The following TFDP2 variants were observed in gnomAD, a reference collection of about 807,000 sequenced individuals.
TFDP2 encodes the protein transcription factor Dp-2.
TFDP2 carries 17 observed loss-of-function variants against 59.3 expected under a neutral mutation model. The observed-to-expected ratio is 0.29, with a 90% CI of 0.20 to 0.43. TFDP2 has a LOEUF of 0.43. Among genes scored for constraint, TFDP2 ranks in the 20% least tolerant of loss-of-function variants. TFDP2 has a pLI of 1.00. For missense variants in TFDP2, 391 were observed against 528.8 expected, an observed-to-expected ratio of 0.74 and a Z score of 2.56; for synonymous variants, 180 against 194.7, an observed-to-expected ratio of 0.92 and a Z score of 0.63.
At chr3:142,041,114 G>T (rs1946946645) in intron 3 of TFDP2, among the ~76,000 whole-genome samples, 1 of 152,124 alleles carries the variant, frequency 6.6e-6, no homozygotes, top group African/African-American at 2.4e-5. Flanking sequence ...AATCCTAAAG[G>T]AAGTTCTGGA....
chr3:141,968,423 C>CA (rs1243209182), intron 9 of TFDP2, among the ~76,000 whole-genome samples: 8,083 of 87,888 alleles, frequency 0.092, 894 homozygotes, highest in East Asian at 0.13. Flanking sequence ...ACATATATAT[C>CA]TCATATATAG....
intron 3 of TFDP2, chr3:142,043,887 G>GT: frequency 9.2e-7 from 1 of 1,091,814 alleles, no homozygotes; most frequent in South Asian, 1.2e-5. Flanking sequence ...TAGATTCACA[G>GT]TATCTTCTAA....
At chr3:142,070,905 G>C (rs1220026799) in intron 3 of TFDP2, among the ~76,000 whole-genome samples, 1 of 152,024 alleles carries the variant, frequency 6.6e-6, no homozygotes, top group African/African-American at 2.4e-5. Context: ...AGGCTTACAG[G>C]CCAGTGGAAA....
chr3:142,044,264 T>C, intron 3 of TFDP2: 1 of 206,710 alleles, frequency 4.8e-6, no homozygotes, highest in Non-Finnish European at 8.8e-6. Context: ...AGCCGGAGTC[T>C]CGCTCTGTCG....
chr3:142,035,716 A>G (rs6795301), intron 3 of TFDP2, among the ~76,000 whole-genome samples: 131,334 of 152,094 alleles, frequency 0.86, 57,077 homozygotes, highest in African/African-American at 0.97. Context: ...CTGTTCTTGT[A>G]ATGGTAAGAC....
At chr3:141,974,895 T>TTTCTTCTTCTTCTTC (rs763156785) in intron 7 of TFDP2, among the ~76,000 whole-genome samples, 5 of 143,312 alleles carry the variant, frequency 3.5e-5, no homozygotes, top group Admixed American at 7.1e-5. Flanking sequence ...GCTGACCATT[T>TTTCTTCTTCTTCTTC]TTCTTCTTCT....
intron 9 of TFDP2, among the ~76,000 whole-genome samples, chr3:141,965,745 C>A (rs1374089424): frequency 6.6e-6 from 1 of 151,900 alleles, no homozygotes; most frequent in Non-Finnish European, 1.5e-5. Context: ...TATTGTAGAC[C>A]TAAGTGTGTC....
intron 2 of TFDP2, among the ~76,000 whole-genome samples, chr3:142,097,404 A>G (rs1216416774): frequency 6.6e-6 from 1 of 152,202 alleles, no homozygotes; most frequent in Non-Finnish European, 1.5e-5. Context: ...TAAAATAGCC[A>G]CTTAGGCCAG....
chr3:142,002,324 T>TTTG (rs1483574811), intron 4 of TFDP2, among the ~76,000 whole-genome samples: 66 of 147,824 alleles, frequency 4.5e-4, no homozygotes, highest in Admixed American at 4.2e-3. Context: ...AGTGTTTTTT[T>TTTG]TTTTTTTTTT....
At chr3:142,087,187 T>G (rs1359619320) in intron 3 of TFDP2, among the ~76,000 whole-genome samples, 3 of 152,204 alleles carry the variant, frequency 2.0e-5, no homozygotes, top group Admixed American at 1.3e-4. Context: ...CAGAGACTAA[T>G]ATATGTAGTC....
intron 1 of TFDP2, among the ~76,000 whole-genome samples, chr3:142,128,131 G>A (rs1019919728): frequency 9.9e-5 from 15 of 152,064 alleles, no homozygotes; most frequent in African/African-American, 3.4e-4. Context: ...CTTAAGCCCC[G>A]GAACTTGAGG....
intron 3 of TFDP2, among the ~76,000 whole-genome samples, chr3:142,032,840 C>G (rs1307670531): frequency 1.3e-5 from 2 of 152,132 alleles, no homozygotes; most frequent in Non-Finnish European, 2.9e-5. Flanking sequence ...ATGTCTAGAG[C>G]TATACCATCC....
intron 3 of TFDP2, among the ~76,000 whole-genome samples, chr3:142,068,163 G>A (rs753627989): frequency 2.0e-5 from 3 of 151,846 alleles, no homozygotes; most frequent in Non-Finnish European, 4.4e-5. Context: ...ATGGGCAAAG[G>A]CAATTTAATG....
At chr3:142,104,568 TA>T (rs1260280006) in intron 1 of TFDP2, among the ~76,000 whole-genome samples, 1 of 152,168 alleles carries the variant, frequency 6.6e-6, no homozygotes, top group Non-Finnish European at 1.5e-5. Context: ...AGGAATCAAC[TA>T]TTTTTTAGAA....
intron 11 of TFDP2, among the ~76,000 whole-genome samples, chr3:141,954,831 T>C (rs1936388687): frequency 6.6e-6 from 1 of 152,110 alleles, no homozygotes; most frequent in East Asian, 1.9e-4. Context: ...TTGCAATTAC[T>C]ATACAAAAAA....
chr3:142,062,595 GGAGTATC>G (rs1243073704), intron 3 of TFDP2, among the ~76,000 whole-genome samples: 1 of 151,778 alleles, frequency 6.6e-6, no homozygotes, highest in Non-Finnish European at 1.5e-5. Flanking sequence ...AAATCATCTG[GGAGTATC>G]GACTAAAACT....
intron 1 of TFDP2, among the ~76,000 whole-genome samples, chr3:142,138,356 G>GT (rs2062814010): frequency 6.6e-6 from 1 of 152,128 alleles, no homozygotes; most frequent in Non-Finnish European, 1.5e-5. Context: ...AGAGTTTTTT[G>GT]TGTCTCTATC....
intron 3 of TFDP2, among the ~76,000 whole-genome samples, chr3:142,054,853 G>A (rs575695259): frequency 1.9e-4 from 29 of 152,208 alleles, no homozygotes; most frequent in African/African-American, 6.0e-4. Context: ...ACAGTGTTAG[G>A]GACATAAGAG....
At chr3:142,038,383 CAAA>C (rs1184364752) in intron 3 of TFDP2, among the ~76,000 whole-genome samples, 2 of 41,440 alleles carry the variant, frequency 4.8e-5, no homozygotes, top group African/African-American at 1.1e-4. Flanking sequence ...GACTCCATCT[CAAA>C]AAAAAAAAAA....
Sources: allele counts gnomAD v4.1 joint callset (sites outside exome capture counted in the v4.1 genomes callset), GRCh38; gene constraint gnomAD v4.1.1; transcripts MANE v1.5; gene names NCBI Gene and HGNC (gene_info 2026-07-23, HGNC 2026-07-21).